The following GABRB1 variants were observed in gnomAD, a reference collection of about 807,000 sequenced individuals.
GABRB1 encodes gamma-aminobutyric acid receptor subunit beta-1.
A neutral mutation model predicts 51.6 loss-of-function variants in GABRB1; 17 were observed. The ratio of observed to expected loss-of-function variants is 0.33; its 90% CI spans 0.23 to 0.49. The LOEUF is 0.49. Ranked by LOEUF, GABRB1 falls within the 20% of genes least tolerant of loss-of-function variation. The probability of loss-of-function intolerance (pLI) is 0.99; values close to 1 mark genes in which losing one functional copy is unlikely to be tolerated. For missense variants in GABRB1, 410 were observed against 600.6 expected, an observed-to-expected ratio of 0.68 and a Z score of 3.32; for synonymous variants, 247 against 218.9, an observed-to-expected ratio of 1.13 and a Z score of -1.14.
At chr4:47,248,580 G>T (rs1349973903) in intron 4 of GABRB1, among the ~76,000 whole-genome samples, 1 of 152,028 alleles carries the variant, frequency 6.6e-6, no homozygotes, top group Non-Finnish European at 1.5e-5. Flanking sequence ...AAAAGGATTG[G>T]TACCAATTCT....
chr4:47,226,755 G>A (rs1172624929), intron 4 of GABRB1, among the ~76,000 whole-genome samples: 1 of 152,132 alleles, frequency 6.6e-6, no homozygotes, highest in African/African-American at 2.4e-5. Flanking sequence ...AGTGCCAGCA[G>A]TTGTACTACA....
intron 4 of GABRB1, among the ~76,000 whole-genome samples, chr4:47,306,695 C>T (rs976756006): frequency 1.3e-5 from 2 of 152,048 alleles, no homozygotes; most frequent in Admixed American, 1.3e-4. Context: ...ATGTTTCATT[C>T]TTATAAAATT....
rs1199036003 is a variant in GABRB1, at chr4:47,303,384, CTCTATA to C, written c.462-16741_462-16736del. On this transcript the variant is annotated intron_variant, in intron 4 of 8. Coordinates refer to ENST00000295454, the MANE Select transcript of GABRB1 (RefSeq NM_000812.4). ...GAAGGTGTGCTCTCTCTCTCTCTCT[CTCTATA>C]TATATATATATCATTCTAATAATGC... Among the ~76,000 whole-genome samples, 623 of 123,454 alleles carry C rather than the reference CTCTATA, an allele frequency of 5.0e-3. 3 individuals are homozygous for C. The highest frequency in any genetic ancestry group is 0.018 in the African/African-American group (603 of 33,288). 81.0% of individuals were successfully genotyped at this position (123,454 alleles called of 152,430 possible). A position where few individuals can be genotyped will look rare whatever the true frequency, so the allele number is the denominator to read the frequency against.
At chr4:47,001,660 T>G (rs1305090748) in intron 1 of GABRB1, among the ~76,000 whole-genome samples, 2 of 152,232 alleles carry the variant, frequency 1.3e-5, no homozygotes, top group African/African-American at 4.8e-5. Context: ...TCCCTGGGTC[T>G]CCAGTCTGCC....
chr4:46,994,309 G>A (rs1723900251), intron 1 of GABRB1: 1 of 152,096 alleles, frequency 6.6e-6, no homozygotes, highest in South Asian at 2.1e-4. Context: ...GGAGAGGAGG[G>A]GAGAGGTGGA....
chr4:47,138,489 A>C (rs1716773445), intron 3 of GABRB1, among the ~76,000 whole-genome samples: 1 of 152,016 alleles, frequency 6.6e-6, no homozygotes, highest in Non-Finnish European at 1.5e-5. Flanking sequence ...GAGTCTGACC[A>C]ATCTGAATTT....
chr4:47,112,052 C>T (rs1715236231), intron 3 of GABRB1, among the ~76,000 whole-genome samples: 1 of 151,662 alleles, frequency 6.6e-6, no homozygotes, highest in South Asian at 2.1e-4. Context: ...TCACTGCAAC[C>T]TCCACCTCCC....
intron 3 of GABRB1, among the ~76,000 whole-genome samples, chr4:47,085,168 A>G (rs1728008251): frequency 2.6e-5 from 4 of 152,222 alleles, no homozygotes; most frequent in African/African-American, 9.6e-5. Flanking sequence ...GATAGATAAT[A>G]TTCAAAATTC....
chr4:47,366,766 T>C lies in GABRB1; in HGVS notation c.545-36552T>C, dbSNP rs1332097661. Reference sequence around the variant, plus strand: ...GACATTCGTAATTTTCCTCCAAGTTTAGTTTCCATTATGATGAAAAGTTGC... The same window carrying C: ...GACATTCGTAATTTTCCTCCAAGTTCAGTTTCCATTATGATGAAAAGTTGC... On this transcript the variant is annotated intron_variant, in intron 5 of 8. Coordinates refer to ENST00000295454, the MANE Select transcript of GABRB1 (RefSeq NM_000812.4). 3.3e-5 allele frequency among the ~76,000 whole-genome samples: 5 copies of C among 152,242 alleles called. 1 individual carries two copies. Among genetic ancestry groups the C allele is most frequent in the South Asian group, 4.1e-4 (2 of 4,832 alleles).
At chr4:47,181,705 G>C (rs1441511359) in intron 4 of GABRB1, among the ~76,000 whole-genome samples, 1 of 152,022 alleles carries the variant, frequency 6.6e-6, no homozygotes, top group East Asian at 1.9e-4. Context: ...CTCATAAATA[G>C]CTGCTATTGT....
chr4:47,146,208 G>A (rs1717164105), intron 3 of GABRB1, among the ~76,000 whole-genome samples: 1 of 151,978 alleles, frequency 6.6e-6, no homozygotes, highest in African/African-American at 2.4e-5. Flanking sequence ...AAAATTTGCT[G>A]AGCCAGAAGT....
chr4:47,367,099 G>T (rs768732783), intron 5 of GABRB1, among the ~76,000 whole-genome samples: 10 of 152,044 alleles, frequency 6.6e-5, no homozygotes, highest in Non-Finnish European at 1.5e-4. Flanking sequence ...TGCCTGAAAT[G>T]GCCTTTATCC....
At chr4:47,031,441 G>T, upstream of GABRB1, 1 of 579,490 alleles carries the variant, frequency 1.7e-6, no homozygotes, top group Non-Finnish European at 3.1e-6. Context: ...CTACCCGGAG[G>T]ACATGGAGCA....
At chr4:47,181,219 T>C (rs1718931246) in intron 4 of GABRB1, among the ~76,000 whole-genome samples, 1 of 152,060 alleles carries the variant, frequency 6.6e-6, no homozygotes, top group Non-Finnish European at 1.5e-5. Flanking sequence ...AATAATATCT[T>C]TTCCTTTTTT....
chr4:47,364,769 T>G (rs1726920908), intron 5 of GABRB1, among the ~76,000 whole-genome samples: 1 of 151,630 alleles, frequency 6.6e-6, no homozygotes, highest in Non-Finnish European at 1.5e-5. Context: ...ACAAGAAAAT[T>G]CAAGTTAAAA....
At chr4:47,411,283 G>A (rs1318206971) in intron 8 of GABRB1, among the ~76,000 whole-genome samples, 9 of 151,886 alleles carry the variant, frequency 5.9e-5, no homozygotes, top group Admixed American at 2.0e-4. Flanking sequence ...AACAAACTGT[G>A]GTATATACAC....
intron 4 of GABRB1, among the ~76,000 whole-genome samples, chr4:47,312,273 T>G (rs1379775316): frequency 6.6e-6 from 1 of 152,194 alleles, no homozygotes; most frequent in Non-Finnish European, 1.5e-5. Flanking sequence ...TTTGGTTTCC[T>G]TATCATTTAT....
intron 3 of GABRB1, among the ~76,000 whole-genome samples, chr4:47,084,785 A>C (rs1378801402): frequency 6.6e-6 from 1 of 152,154 alleles, no homozygotes; most frequent in Non-Finnish European, 1.5e-5. Flanking sequence ...TCCTCATCAG[A>C]GCCAGGAACA....
At position 47,149,474 on chromosome 4, in the gene GABRB1, C is replaced by G. The variant is rs184006157; in HGVS notation, c.241-11775C>G. ...TTTCAGAGTAGTTGATAAATTTTCT[C>G]TACAATCATAGGACTAATAAGCAAT... is the stretch of plus-strand genomic sequence containing the variant. On this transcript the variant is annotated intron_variant, in intron 3 of 8. Coordinates refer to ENST00000295454, the MANE Select transcript of GABRB1 (RefSeq NM_000812.4). Among the ~76,000 whole-genome samples the G allele has an allele frequency of 1.4e-3, 219 of 152,106 alleles. 2 individuals are homozygous for G. Among genetic ancestry groups the G allele is most frequent in the Admixed American group, 5.1e-3 (77 of 15,238 alleles).
Sources: gnomAD v4.1 joint callset for allele counts (sites outside exome capture counted in the v4.1 genomes callset) on GRCh38, gnomAD v4.1.1 for gene constraint, MANE v1.5 for transcripts, NCBI Gene and HGNC (gene_info 2026-07-23, HGNC 2026-07-21) for gene names.